The following RTN4R variants were observed in gnomAD, a reference collection of about 807,000 sequenced individuals.
RTN4R encodes the protein reticulon-4 receptor.
Under a neutral mutation model 27.7 loss-of-function variants are expected in RTN4R, and 4 were observed. The ratio of observed to expected loss-of-function variants is 0.14; its 90% CI spans 0.07 to 0.33. RTN4R has a LOEUF of 0.33. Ranked by LOEUF, RTN4R falls within the 10% of genes least tolerant of loss-of-function variation. The pLI is 1.00. For missense variants in RTN4R, 554 were observed against 671.5 expected, an observed-to-expected ratio of 0.83 and a Z score of 1.93; for synonymous variants, 290 against 305.6, an observed-to-expected ratio of 0.95 and a Z score of 0.53.
chr22:20,243,343 C>A, intron 1 of RTN4R: 1 of 701,608 alleles, frequency 1.4e-6, no homozygotes, highest in South Asian at 1.5e-5. Flanking sequence ...CCCTGGAAGC[C>A]ACATCTGCAG....
Position 20,241,658 on chromosome 22 carries a change from C to A in RTN4R, c.*53G>T, listed in dbSNP as rs1222137217. ...GCTGGCTTGGCGGCGTGGAGAGAGA[C>A]CCCGTATGTACACACACCTGGCTGC... On this transcript the variant is annotated 3_prime_UTR_variant, in exon 2 of 2. Coordinates refer to ENST00000043402, the MANE Select transcript of RTN4R (RefSeq NM_023004.6). 3 of 1,542,158 alleles carry A rather than the reference C, an allele frequency of 1.9e-6. No individual in the cohort carries two copies. Among genetic ancestry groups the A allele is most frequent in the Admixed American group, 2.0e-5 (1 of 50,900 alleles).
In RTN4R at chr22:20,258,937, C is replaced by T. The variant is rs1172575545; in HGVS notation, c.22+9134G>A. Among the ~76,000 whole-genome samples the T allele has an allele frequency of 2.6e-5, 4 of 152,038 alleles. 1 individual carries two copies. Among genetic ancestry groups the T allele is most frequent in the Non-Finnish European group, 2.9e-5 (2 of 67,974 alleles). ...ACCAAGGCTGGGGGTCAAGTGTGCACTGTCTCTCAGCCAGGAGGGTGGAGG... is the reference window on the plus strand; with the variant it reads ...ACCAAGGCTGGGGGTCAAGTGTGCATTGTCTCTCAGCCAGGAGGGTGGAGG... On this transcript the variant is annotated intron_variant, in intron 1 of 1. Transcript: ENST00000043402.
Position 20,267,600 on chromosome 22 carries a change from T to C in RTN4R, c.22+471A>G, listed in dbSNP as rs182918395. ...GCCAACGCCCCCATTCATCCCACTGTGGACTGACCTCGGAGAAACGGGAGG... is the reference window on the plus strand; with the variant it reads ...GCCAACGCCCCCATTCATCCCACTGCGGACTGACCTCGGAGAAACGGGAGG... On this transcript the variant is annotated intron_variant, in intron 1 of 1. Transcript: ENST00000043402. The C allele has an allele frequency of 1.7e-3, 784 of 468,040 alleles. 4 individuals carry two copies. The highest frequency in any genetic ancestry group is 0.014 in the African/African-American group (679 of 49,826). The allele number at this position is 468,040 out of a possible 1,614,324, so 29.0% of individuals were successfully genotyped here. A position where few individuals can be genotyped will look rare whatever the true frequency, so the allele number is the denominator to read the frequency against.
intron 1 of RTN4R, among the ~76,000 whole-genome samples, chr22:20,258,170 C>T (rs2051222924): frequency 6.6e-6 from 1 of 152,196 alleles, no homozygotes; most frequent in African/African-American, 2.4e-5. Flanking sequence ...TCCTACCTGG[C>T]CCTGACGCCA....
rs755718676 is a variant in RTN4R at position 20,242,744 on chromosome 22, C to A, written c.389G>T (p.Gly130Val). 6.2e-6 allele frequency: 10 copies of A among 1,612,490 alleles called. No individual in the cohort carries two copies. In the East Asian group the frequency reaches 2.2e-4, roughly 36 times the overall value. ...SVDPATFHGL[G>V]RLHTLHLDRC... ...GTCCAGGTGCAGCGTGTGTAGGCGG[C>A]CCAGGCCGTGGAATGTGGCAGGGTC... Residue 130 changes from glycine to valine, a missense_variant, in exon 2 of 2, where the codon GGC becomes GTC. Physicochemically the swap from Gly to Val is moderately radical, Grantham distance 109. This residue lies in a region of RTN4R where 413 missense variants were observed against 542.3 expected (regional missense o/e 0.76). Transcript: ENST00000043402.
Position 20,242,502 on chromosome 22 carries a change from G to T in RTN4R, c.631C>A (p.Gln211Lys), listed in dbSNP as rs1254604134. ...LHSLDRLLLH[Q>K]NRVAHVHPHA... ...GGGTGCACATGGGCCACGCGGTTCT[G>T]GTGCAGTAGGAGACGGTCGAGGCTG... Residue 211 changes from glutamine to lysine, a missense_variant, in exon 2 of 2, where the codon CAG becomes AAG. Around this residue, in one of 2 missense-constraint regions of RTN4R, gnomAD observed 413 missense variants for 542.3 expected, o/e 0.76. Coordinates refer to ENST00000043402, the MANE Select transcript of RTN4R (RefSeq NM_023004.6). The T allele has an allele frequency of 8.1e-6, 13 of 1,613,744 alleles. No individual in the cohort carries two copies. Among genetic ancestry groups the T allele is most frequent in the Non-Finnish European group, 1.0e-5 (12 of 1,179,984 alleles).
At chr22:20,247,565 G>A (rs923348544) in intron 1 of RTN4R, among the ~76,000 whole-genome samples, 24 of 151,276 alleles carry the variant, frequency 1.6e-4, no homozygotes, top group Admixed American at 5.3e-4. Context: ...ACACGTGCAG[G>A]GGCAGCCAGA....
rs971511849 is a variant in RTN4R, at chr22:20,255,497, A to T, written c.23-12387T>A. 6.6e-5 allele frequency among the ~76,000 whole-genome samples: 10 copies of T among 152,300 alleles called. No homozygotes were observed. Among genetic ancestry groups the T allele is most frequent in the African/African-American group, 2.4e-4 (10 of 41,562 alleles). On this transcript the variant is annotated intron_variant, in intron 1 of 1. Coordinates refer to ENST00000043402, the MANE Select transcript of RTN4R (RefSeq NM_023004.6). The surrounding 1 kb of genome is among the most constrained non-coding windows in gnomAD (Gnocchi z 4.8). ...AGGATACATCTGGGTCTCCCAGGAC[A>T]CTATGGGCTCTTGGCCCCAGAGACT...
chr22:20,243,736 G>A (rs1045025063), intron 1 of RTN4R: 10 of 341,688 alleles, frequency 2.9e-5, no homozygotes, highest in Non-Finnish European at 4.8e-5. Flanking sequence ...TGAAGCCTCC[G>A]CCCCCTGGCC....
rs749713814 is a variant in RTN4R, at chr22:20,242,580, G to A, written c.553C>T (p.Leu185=). The change falls in exon 2 of 2, where the codon CTG becomes TTG. Residue 185 remains leucine, a synonymous_variant. Transcript: ENST00000043402. ...RDLGNLTHLF[L]HGNRISSVPE... ...ACGCTGGAGATGCGGTTGCCGTGCA[G>A]GAAGAGGTGTGTGAGGTTGCCCAGG... 2 of 1,613,428 alleles carry A rather than the reference G, an allele frequency of 1.2e-6. No individual in the cohort carries two copies. Among genetic ancestry groups the A allele is most frequent in the South Asian group, 1.1e-5 (1 of 91,082 alleles).
Position 20,247,095 on chromosome 22 carries a change from C to T in RTN4R, c.23-3985G>A, listed in dbSNP as rs143133500. ...TGTGGAGGGGCTGGGCTGCAGGCCA[C>T]GTGCAGAGGGGCAGGCAGCGCCCTC... On this transcript the variant is annotated intron_variant, in intron 1 of 1. Transcript: ENST00000043402. Among the ~76,000 whole-genome samples, 503 of 152,104 alleles carry T rather than the reference C, an allele frequency of 3.3e-3. 7 individuals carry two copies. In the East Asian group the frequency reaches 0.06, roughly 18 times the overall value.
chr22:20,251,401 A>G (rs2051175869), intron 1 of RTN4R, among the ~76,000 whole-genome samples: 1 of 151,906 alleles, frequency 6.6e-6, no homozygotes. Context: ...CCACGGCCTC[A>G]GGCCTGGATG....
At chr22:20,267,055 G>A (rs1226855893) in intron 1 of RTN4R, among the ~76,000 whole-genome samples, 6 of 152,244 alleles carry the variant, frequency 3.9e-5, no homozygotes, top group Non-Finnish European at 8.8e-5. Context: ...CACCCGTGGA[G>A]ACCACAGCAG....
At chr22:20,253,694 G>A (rs1000844086) in intron 1 of RTN4R, among the ~76,000 whole-genome samples, 4 of 152,312 alleles carry the variant, frequency 2.6e-5, no homozygotes, top group South Asian at 2.1e-4. Context: ...AGCCGACAGT[G>A]TGGGAAAAAG....
At position 20,242,864 on chromosome 22, in the gene RTN4R, G is replaced by C; in HGVS notation, c.269C>G (p.Ser90Trp). Residue 90 changes from serine (S) to tryptophan (W), a missense_variant, in exon 2 of 2, where the codon TCG becomes TGG. This residue lies in a region of RTN4R where 413 missense variants were observed against 542.3 expected (regional missense o/e 0.76). Transcript: ENST00000043402. ...CRNLTILWLH[S>W]NVLARIDAAA... Reference sequence around the variant, plus strand: ...CGCATCAATTCGGGCCAGCACATTCGAGTGCAGCCACAGGATGGTGAGGTT... The same window carrying C: ...CGCATCAATTCGGGCCAGCACATTCCAGTGCAGCCACAGGATGGTGAGGTT... 1 of 1,612,908 alleles carries C rather than the reference G, an allele frequency of 6.2e-7. No homozygotes were observed. Among genetic ancestry groups the C allele is most frequent in the Non-Finnish European group, 8.5e-7 (1 of 1,179,876 alleles).
intron 1 of RTN4R, among the ~76,000 whole-genome samples, chr22:20,250,132 C>G (rs2051167231): frequency 1.3e-5 from 2 of 152,238 alleles, no homozygotes; most frequent in South Asian, 4.1e-4. Flanking sequence ...TGGGATGTTC[C>G]CATTGGAATT....
At chr22:20,243,545 G>C (rs921272776) in intron 1 of RTN4R, 2 of 463,654 alleles carry the variant, frequency 4.3e-6, no homozygotes, top group Admixed American at 4.9e-5. Context: ...ACTGCAATGG[G>C]GCTGGGGTCC....
At chr22:20,261,504 T>C (rs2051246494) in intron 1 of RTN4R, among the ~76,000 whole-genome samples, 1 of 152,154 alleles carries the variant, frequency 6.6e-6, no homozygotes, top group African/African-American at 2.4e-5. Context: ...AGCTTCACGA[T>C]AGCCACGTGC....
At chr22:20,267,268 C>A (rs960084948) in intron 1 of RTN4R, among the ~76,000 whole-genome samples, 9 of 152,246 alleles carry the variant, frequency 5.9e-5, no homozygotes, top group Non-Finnish European at 1.3e-4. Context: ...GTGCAGCCTG[C>A]GGCACCATGG....
Sources: allele counts gnomAD v4.1 joint callset (sites outside exome capture counted in the v4.1 genomes callset), GRCh38; gene constraint gnomAD v4.1.1; regional missense constraint gnomAD v4.1.1; non-coding constraint Gnocchi (gnomAD v3.1); transcripts MANE v1.5; gene names NCBI Gene and HGNC (gene_info 2026-07-23, HGNC 2026-07-21).